ST6GALNAC3: variants seen among roughly 807,000 people sequenced by gnomAD.
ST6GALNAC3 encodes the protein ST6 N-acetylgalactosaminide alpha-2,6-sialyltransferase 3.
Under a neutral mutation model 32.7 loss-of-function variants are expected in ST6GALNAC3, and 25 were observed. The ratio of observed to expected loss-of-function variants is 0.76; its 90% CI spans 0.56 to 1.07. The LOEUF is 1.07. ST6GALNAC3 is among the 50% of genes least tolerant of loss of function. ST6GALNAC3 has a pLI of 0.00. For missense variants in ST6GALNAC3, 355 were observed against 382.4 expected (o/e 0.93, Z 0.60); for synonymous variants, 129 against 133.1 (o/e 0.97, Z 0.21).
At chr1:76,112,134 C>G in intron 1 of ST6GALNAC3, among the ~76,000 whole-genome samples, 1 of 140,940 alleles carries the variant, frequency 7.1e-6, no homozygotes, top group African/African-American at 2.7e-5. Flanking sequence ...TCCCACCTCC[C>G]TCCCGGACAG....
chr1:76,141,534 G>GT lies in ST6GALNAC3; in HGVS notation c.18+66659dup, dbSNP rs200760037. Among the ~76,000 whole-genome samples, 243 of 151,772 alleles carry GT rather than the reference G, an allele frequency of 1.6e-3. 2 individuals carry two copies. Among genetic ancestry groups the GT allele is most frequent in the African/African-American group, 5.3e-3 (219 of 41,402 alleles). On this transcript the variant is annotated intron_variant, in intron 1 of 4. Transcript: ENST00000328299. ...AGCATTCAACAAAAGATAGCATGTA[G>GT]TTTTTTTTTAAAAAGTGAAAGACTA...
At chr1:76,126,684 G>T (rs1489972421) in intron 1 of ST6GALNAC3, among the ~76,000 whole-genome samples, 5 of 152,100 alleles carry the variant, frequency 3.3e-5, no homozygotes, top group African/African-American at 4.8e-5. Flanking sequence ...CCTTTATGCT[G>T]GGCAAACAGT....
intron 3 of ST6GALNAC3, among the ~76,000 whole-genome samples, chr1:76,505,186 C>T (rs140669251): frequency 0.068 from 10,292 of 151,286 alleles, 1,195 homozygotes; most frequent in African/African-American, 0.24. Context: ...TGCAGAGGCG[C>T]GGTCTCAGCT....
intron 1 of ST6GALNAC3, among the ~76,000 whole-genome samples, chr1:76,133,196 G>C (rs1649726315): frequency 6.6e-6 from 1 of 152,132 alleles, no homozygotes; most frequent in African/African-American, 2.4e-5. Flanking sequence ...CCTGGCCTCT[G>C]CCCACATCTA....
chr1:76,411,985 T>A, intron 2 of ST6GALNAC3, 23 bp from the exon 3 acceptor site: 1 of 1,598,038 alleles, frequency 6.3e-7, no homozygotes, highest in Non-Finnish European at 8.5e-7. Flanking sequence ...CTAATTTACA[T>A]GCCTTCTTTC....
chr1:76,454,827 G>A (rs1422588436), intron 3 of ST6GALNAC3, among the ~76,000 whole-genome samples: 2 of 148,404 alleles, frequency 1.3e-5, no homozygotes, highest in Admixed American at 6.9e-5. Flanking sequence ...TAAATGAATT[G>A]TGCTAGTCTT....
At chr1:76,105,924 T>A (rs1647496470) in intron 1 of ST6GALNAC3, among the ~76,000 whole-genome samples, 2 of 152,210 alleles carry the variant, frequency 1.3e-5, no homozygotes, top group Admixed American at 1.3e-4. Context: ...ATTCTTCACA[T>A]GATGGAGAAA....
chr1:76,328,308 G>T (rs566930795), intron 2 of ST6GALNAC3, among the ~76,000 whole-genome samples: 1 of 152,324 alleles, frequency 6.6e-6, no homozygotes, highest in South Asian at 2.1e-4. Flanking sequence ...CTTCACGAAT[G>T]AGAAGTAGAG....
intron 1 of ST6GALNAC3, among the ~76,000 whole-genome samples, chr1:76,122,031 A>G (rs1474023673): frequency 1.3e-5 from 2 of 152,056 alleles, no homozygotes; most frequent in East Asian, 3.9e-4. Context: ...GCTGTCTTCC[A>G]TGTCACCCTG....
chr1:76,216,301 C>G (rs1360207882), intron 1 of ST6GALNAC3, among the ~76,000 whole-genome samples: 2 of 152,114 alleles, frequency 1.3e-5, no homozygotes, highest in Non-Finnish European at 2.9e-5. Flanking sequence ...CACACAAATA[C>G]GCATATATGT....
chr1:76,588,386 C>T (rs182142688), intron 3 of ST6GALNAC3, among the ~76,000 whole-genome samples: 38 of 152,020 alleles, frequency 2.5e-4, no homozygotes, highest in Non-Finnish European at 4.6e-4. Flanking sequence ...CTTTGTGCTA[C>T]GTAGAACACA....
At chr1:76,243,754 A>T (rs1044643494) in intron 1 of ST6GALNAC3, among the ~76,000 whole-genome samples, 1 of 152,120 alleles carries the variant, frequency 6.6e-6, no homozygotes, top group African/African-American at 2.4e-5. Flanking sequence ...TGAAGATCAG[A>T]TGGTTGTAGA....
intron 3 of ST6GALNAC3, among the ~76,000 whole-genome samples, chr1:76,622,562 C>A (rs1286761141): frequency 6.6e-6 from 1 of 151,704 alleles, no homozygotes; most frequent in African/African-American, 2.4e-5. Context: ...CTCTTAGGAC[C>A]CAGATGAGCT....
chr1:76,082,245 T>C (rs1377970585), intron 1 of ST6GALNAC3, among the ~76,000 whole-genome samples: 1 of 152,182 alleles, frequency 6.6e-6, no homozygotes, highest in Non-Finnish European at 1.5e-5. Context: ...ATTTTTCTAA[T>C]TGGAGGGAGT....
intron 3 of ST6GALNAC3, among the ~76,000 whole-genome samples, chr1:76,480,375 C>G (rs1275438041): frequency 6.6e-6 from 1 of 152,104 alleles, no homozygotes; most frequent in Non-Finnish European, 1.5e-5. Context: ...TGGACATAAA[C>G]CTTATACGTG....
chr1:76,188,591 T>C (rs1004358653), intron 1 of ST6GALNAC3, among the ~76,000 whole-genome samples: 1 of 152,152 alleles, frequency 6.6e-6, no homozygotes, highest in Non-Finnish European at 1.5e-5. Flanking sequence ...GGGGCACTGA[T>C]CCCTATACAG....
intron 1 of ST6GALNAC3, among the ~76,000 whole-genome samples, chr1:76,262,728 C>A (rs1399410457): frequency 2.0e-5 from 3 of 152,120 alleles, no homozygotes; most frequent in African/African-American, 7.2e-5. Flanking sequence ...AGTAATTAGA[C>A]CTTCATCCAA....
intron 1 of ST6GALNAC3, among the ~76,000 whole-genome samples, chr1:76,191,440 G>A (rs1057017147): frequency 4.6e-5 from 7 of 152,136 alleles, no homozygotes; most frequent in South Asian, 2.1e-4. Context: ...GGAAGACTGC[G>A]TTCCGGTGTT....
intron 3 of ST6GALNAC3, among the ~76,000 whole-genome samples, chr1:76,461,508 G>A (rs1220878232): frequency 2.0e-5 from 3 of 152,158 alleles, no homozygotes; most frequent in South Asian, 2.1e-4. Flanking sequence ...ATGGTGCTTC[G>A]TGCTGGAGCC....
Sources: allele counts gnomAD v4.1 joint callset (sites outside exome capture counted in the v4.1 genomes callset), GRCh38; gene constraint gnomAD v4.1.1; transcripts MANE v1.5; gene names NCBI Gene and HGNC (gene_info 2026-07-23, HGNC 2026-07-21).